DPYS: variants seen among roughly 807,000 people sequenced by gnomAD.
The protein encoded by DPYS is dihydropyrimidine amidohydrolase.
DPYS carries 39 observed loss-of-function variants against 50.3 expected under a neutral mutation model. The ratio of observed to expected loss-of-function variants is 0.78; its 90% CI spans 0.60 to 1.01. The LOEUF (loss-of-function observed/expected upper bound fraction) is 1.01. Ranked by LOEUF, DPYS falls within the 50% of genes least tolerant of loss-of-function variation. The probability of loss-of-function intolerance (pLI) is 0.00; values close to 1 mark genes in which losing one functional copy is unlikely to be tolerated. For synonymous variants in DPYS, 245 were observed against 250.7 expected (o/e 0.98, Z 0.22); for missense variants, 659 against 680.9 (o/e 0.97, Z 0.36).
Position 104,446,854 on chromosome 8 carries a change from G to T in DPYS, c.603+470C>A, listed in dbSNP as rs2140716674. 2.0e-5 allele frequency among the ~76,000 whole-genome samples: 3 copies of T among 152,242 alleles called. No individual in the cohort carries two copies. In the South Asian group the frequency reaches 6.2e-4, roughly 32 times the overall value. On this transcript the variant is annotated intron_variant, in intron 3 of 9. Coordinates refer to ENST00000351513, the MANE Select transcript of DPYS (RefSeq NM_001385.3). The stretch of plus-strand genomic sequence containing the variant: ...AATAAATATCATCTAGTTTCCTCCA[G>T]AGCACATTTTAATATCCAGTTTCTG...
At chr8:104,409,853 A>G (rs1812115653) in intron 7 of DPYS, among the ~76,000 whole-genome samples, 1 of 152,210 alleles carries the variant, frequency 6.6e-6, no homozygotes, top group South Asian at 2.1e-4. Context: ...AGAGGGGAGT[A>G]ACTTGCCCAA....
intron 7 of DPYS, among the ~76,000 whole-genome samples, chr8:104,409,479 T>A (rs1016842763): frequency 2.0e-5 from 3 of 151,936 alleles, no homozygotes; most frequent in South Asian, 2.1e-4. Context: ...AGAAATAAAT[T>A]AATTAATTAA....
chr8:104,424,766 T>G (rs1278286706), intron 6 of DPYS, among the ~76,000 whole-genome samples: 1 of 152,182 alleles, frequency 6.6e-6, no homozygotes, highest in Non-Finnish European at 1.5e-5. Context: ...GACCTAAGAT[T>G]TATGAGATAA....
At chr8:104,444,509 A>G in intron 3 of DPYS, 72 bp from the exon 4 acceptor site, 1 of 1,550,712 alleles carries the variant, frequency 6.4e-7, no homozygotes, top group Non-Finnish European at 8.8e-7. Context: ...ATTTTATCAT[A>G]AATTAAATGC....
chr8:104,451,204 A>G lies in DPYS; in HGVS notation c.423+42T>C, dbSNP rs566439283. 6.8e-6 allele frequency: 11 copies of G among 1,612,328 alleles called. No homozygotes were observed. The East Asian group carries it at 2.0e-4, about 29-fold the overall frequency. ...TTTCTTGCTCTTGTGCAGAGTGAGGACAAGAGGACAATGGGAACACATTGA... is the reference window on the plus strand; with the variant it reads ...TTTCTTGCTCTTGTGCAGAGTGAGGGCAAGAGGACAATGGGAACACATTGA... On this transcript the variant is annotated intron_variant, in intron 2 of 9. Transcript: ENST00000351513.
At chr8:104,415,308 A>T (rs1022039436) in intron 7 of DPYS, among the ~76,000 whole-genome samples, 2 of 152,232 alleles carry the variant, frequency 1.3e-5, no homozygotes, top group African/African-American at 4.8e-5. Context: ...TTTTTGCCCA[A>T]TGCTAATGCT....
intron 2 of DPYS, 143 bp from the exon 3 acceptor site, chr8:104,447,646 A>G (rs530214688): frequency 6.4e-6 from 6 of 943,000 alleles, no homozygotes; most frequent in South Asian, 4.4e-5. Flanking sequence ...CAAAAATGCA[A>G]TTAAGGCCTT....
chr8:104,444,511 A>G (rs1449330874), intron 3 of DPYS, 74 bp from the exon 4 acceptor site: 1 of 1,525,522 alleles, frequency 6.6e-7, no homozygotes, highest in Non-Finnish European at 9.0e-7. Context: ...TTTATCATAA[A>G]TTAAATGCAA....
chr8:104,465,998 C>A (rs113689411), intron 1 of DPYS, among the ~76,000 whole-genome samples: 473 of 149,870 alleles, frequency 3.2e-3, no homozygotes, highest in Non-Finnish European at 4.8e-3. Context: ...GTGAGTGTTG[C>A]GAGATCATTT....
At chr8:104,458,956 A>G (rs895029413) in intron 1 of DPYS, among the ~76,000 whole-genome samples, 1 of 152,214 alleles carries the variant, frequency 6.6e-6, no homozygotes, top group Admixed American at 6.5e-5. Context: ...AAAAATGATT[A>G]CATTTTGTTT....
chr8:104,428,743 G>A (rs545058546), intron 5 of DPYS, among the ~76,000 whole-genome samples: 74 of 152,160 alleles, frequency 4.9e-4, no homozygotes, highest in Non-Finnish European at 6.8e-4. Context: ...ACTCTTGTAC[G>A]GTCTGTCATG....
At chr8:104,439,246 CTTATAGTTTAGGATT>C (rs1813259154) in intron 4 of DPYS, among the ~76,000 whole-genome samples, 1 of 152,008 alleles carries the variant, frequency 6.6e-6, no homozygotes, top group Non-Finnish European at 1.5e-5. Context: ...TCACTACAAA[CTTATAGTTTAGGATT>C]TTAGAGGTCA....
At position 104,422,258 on chromosome 8, in the gene DPYS, C is replaced by T. The variant is rs143364777; in HGVS notation, c.1235+1989G>A. Among the ~76,000 whole-genome samples, 521 of 152,268 alleles carry T rather than the reference C, an allele frequency of 3.4e-3. 3 individuals carry two copies. Among genetic ancestry groups the T allele is most frequent in the Middle Eastern group, 0.017 (5 of 294 alleles). Reference sequence around the variant, plus strand: ...TAAAGTATTTTCATTTTTTCCCTCACCTTTGATAAAGAATGACAGAGAATG... The same window carrying T: ...TAAAGTATTTTCATTTTTTCCCTCATCTTTGATAAAGAATGACAGAGAATG... On this transcript the variant is annotated intron_variant, in intron 7 of 9. Coordinates refer to ENST00000351513, the MANE Select transcript of DPYS (RefSeq NM_001385.3).
chr8:104,410,865 T>A (rs912053920), intron 7 of DPYS, among the ~76,000 whole-genome samples: 1 of 152,144 alleles, frequency 6.6e-6, no homozygotes, highest in Non-Finnish European at 1.5e-5. Flanking sequence ...TTTCCTCATT[T>A]GCCCCTGACT....
intron 8 of DPYS, among the ~76,000 whole-genome samples, chr8:104,386,068 T>G (rs1260413424): frequency 6.6e-6 from 1 of 152,238 alleles, no homozygotes; most frequent in Non-Finnish European, 1.5e-5. Context: ...TCTCAGTATT[T>G]GATGATACTT....
chr8:104,427,117 C>G (rs1006504718), intron 6 of DPYS, among the ~76,000 whole-genome samples: 51 of 149,024 alleles, frequency 3.4e-4, no homozygotes, highest in Non-Finnish European at 7.1e-4. Flanking sequence ...AGGAGAATCA[C>G]TTGAACCCAG....
chr8:104,382,884 T>C (rs115276303), intron 8 of DPYS, among the ~76,000 whole-genome samples: 1,585 of 152,292 alleles, frequency 0.01, 42 homozygotes, highest in African/African-American at 0.036. Flanking sequence ...GAGCAGACTT[T>C]TGTGCCGCCT....
At chr8:104,433,759 T>C (rs1813031556) in intron 4 of DPYS, among the ~76,000 whole-genome samples, 1 of 152,188 alleles carries the variant, frequency 6.6e-6, no homozygotes, top group Non-Finnish European at 1.5e-5. Context: ...AAATTTGGTG[T>C]ATTCTTGTTC....
At chr8:104,384,538 CT>C (rs1286509288) in intron 8 of DPYS, among the ~76,000 whole-genome samples, 4 of 152,222 alleles carry the variant, frequency 2.6e-5, no homozygotes, top group African/African-American at 7.2e-5. Flanking sequence ...CTTAGCAATC[CT>C]TGTCTTATTC....
Sources: allele counts gnomAD v4.1 joint callset (sites outside exome capture counted in the v4.1 genomes callset), GRCh38; gene constraint gnomAD v4.1.1; transcripts MANE v1.5; gene names NCBI Gene and HGNC (gene_info 2026-07-23, HGNC 2026-07-21).